The following NMNAT1 variants were observed in gnomAD, a reference collection of about 807,000 sequenced individuals.
NMNAT1 encodes the protein nicotinamide nucleotide adenylyltransferase 1.
In NMNAT1, 11 loss-of-function variants were observed where a neutral mutation model predicts 16.7. That is an observed-to-expected ratio of 0.66 (90% confidence interval 0.41 to 1.09). The LOEUF is 1.09. NMNAT1 is among the 50% of genes least tolerant of loss of function. NMNAT1 has a pLI of 0.00. For synonymous variants in NMNAT1, 110 were observed against 119.8 expected (o/e 0.92, Z 0.53); for missense variants, 280 against 332.3 (o/e 0.84, Z 1.22).
At chr1:9,951,792 A>G (rs1447646004) in intron 1 of NMNAT1, among the ~76,000 whole-genome samples, 1 of 152,124 alleles carries the variant, frequency 6.6e-6, no homozygotes, top group Admixed American at 6.6e-5. Flanking sequence ...CTGTTGATTA[A>G]TATCTTAACT....
At chr1:9,967,410 G>T (rs1412783585) in intron 1 of NMNAT1, 1 of 153,766 alleles carries the variant, frequency 6.5e-6, no homozygotes, top group Non-Finnish European at 1.5e-5. Context: ...TCATGATAAA[G>T]GGTGTATGAG....
intron 3 of NMNAT1, among the ~76,000 whole-genome samples, chr1:9,979,586 G>A (rs910576155): frequency 6.6e-6 from 1 of 152,036 alleles, no homozygotes; most frequent in African/African-American, 2.4e-5. Flanking sequence ...AGATCACAAG[G>A]TCAGGAGATC....
chr1:9,959,626 A>T (rs1469521659), intron 1 of NMNAT1, among the ~76,000 whole-genome samples: 2 of 152,142 alleles, frequency 1.3e-5, no homozygotes, highest in Non-Finnish European at 2.9e-5. Context: ...GGTTGCAGTG[A>T]GCCAAGATTG....
chr1:9,974,678 G>A (rs577450740), intron 2 of NMNAT1, among the ~76,000 whole-genome samples: 5 of 151,900 alleles, frequency 3.3e-5, no homozygotes, highest in African/African-American at 4.8e-5. Context: ...GTGAGCCACC[G>A]CGCCTGGCCT....
intron 3 of NMNAT1, among the ~76,000 whole-genome samples, chr1:9,976,648 G>A (rs996428865): frequency 9.2e-5 from 14 of 151,436 alleles, no homozygotes; most frequent in Admixed American, 2.6e-4. Context: ...TTTTTGAGAC[G>A]GAGTCTCGCT....
At chr1:9,957,640 A>T (rs1641298341) in intron 1 of NMNAT1, among the ~76,000 whole-genome samples, 1 of 152,176 alleles carries the variant, frequency 6.6e-6, no homozygotes, top group South Asian at 2.1e-4. Flanking sequence ...TTGGTGAAAA[A>T]CTATTTCATG....
intron 1 of NMNAT1, among the ~76,000 whole-genome samples, chr1:9,969,728 G>A (rs766164529): frequency 2.0e-5 from 3 of 152,174 alleles, no homozygotes; most frequent in Non-Finnish European, 4.4e-5. Flanking sequence ...TCCAGCCTGG[G>A]TGAGAGAGGG....
the NMNAT1 span, among the ~76,000 whole-genome samples, chr1:9,996,082 C>A: frequency 1.3e-5 from 2 of 151,850 alleles, no homozygotes; most frequent in African/African-American, 4.8e-5. Flanking sequence ...GAGGCCAAGG[C>A]GGGCGGATCA....
downstream of NMNAT1, among the ~76,000 whole-genome samples, chr1:9,989,639 C>T (rs936938757): frequency 6.6e-6 from 1 of 152,148 alleles, no homozygotes; most frequent in Non-Finnish European, 1.5e-5. Context: ...GCTCCATCCT[C>T]CTTTCAGCTC....
intron 1 of NMNAT1, among the ~76,000 whole-genome samples, chr1:9,951,695 C>T (rs957019783): frequency 2.0e-5 from 3 of 152,070 alleles, no homozygotes; most frequent in African/African-American, 7.2e-5. Context: ...TGCTGGTCTT[C>T]ATCTCCTGGG....
rs1434717998 is a variant in NMNAT1, at chr1:9,975,444, T to C, written c.116-148T>C. On this transcript the variant is annotated intron_variant, in intron 2 of 4. Transcript: ENST00000377205. The stretch of plus-strand genomic sequence containing the variant: ...TCAACCCAGGAGGCGGAGGTTGCAG[T>C]GAGCCGAGATCACTCCAGTGCGGCC... 1.4e-5 allele frequency: 8 copies of C among 555,426 alleles called. No homozygotes were observed. The Admixed American group carries it at 2.6e-4, about 18-fold the overall frequency. The allele number at this position is 555,426 out of a possible 1,614,324, so 34.4% of individuals were successfully genotyped here.
chr1:9,945,065 C>T (rs1285250311), intron 1 of NMNAT1, among the ~76,000 whole-genome samples: 2 of 152,144 alleles, frequency 1.3e-5, no homozygotes, highest in African/African-American at 2.4e-5. Flanking sequence ...GAAACCCCAT[C>T]TCTACTAAAA....
intron 3 of NMNAT1, among the ~76,000 whole-genome samples, chr1:9,978,381 C>T (rs985763163): frequency 3.3e-5 from 5 of 152,082 alleles, no homozygotes; most frequent in Admixed American, 6.6e-5. Flanking sequence ...TTGTCAGGCT[C>T]CACAGTCCCA....
At chr1:9,975,068 T>C (rs1444291893) in intron 2 of NMNAT1, among the ~76,000 whole-genome samples, 3 of 152,146 alleles carry the variant, frequency 2.0e-5, no homozygotes, top group Non-Finnish European at 4.4e-5. Context: ...TGGAGATAGA[T>C]AGGAGCGATG....
chr1:9,995,951 C>A, the NMNAT1 span, among the ~76,000 whole-genome samples: 1 of 151,662 alleles, frequency 6.6e-6, no homozygotes, highest in Non-Finnish European at 1.5e-5. Context: ...ATCACTTGAA[C>A]CTGGGAGGCG....
intron 1 of NMNAT1, among the ~76,000 whole-genome samples, chr1:9,957,824 C>T (rs1641302168): frequency 6.6e-6 from 1 of 152,062 alleles, no homozygotes; most frequent in African/African-American, 2.4e-5. Context: ...AAGTTATTAA[C>T]AGACTGTTTC....
In NMNAT1 at chr1:9,982,393, G is replaced by C; in HGVS notation, c.532G>C (p.Val178Leu). The change falls in exon 5 of 5, where the codon GTG becomes CTG. Residue 178 changes from valine (V) to leucine (L), a missense_variant. Transcript: ENST00000377205. ...GAAGAGTGAAGACATCACCCAAATCGTGGCCAACTATGGGCTCATATGTGT... is the reference window on the plus strand; with the variant it reads ...GAAGAGTGAAGACATCACCCAAATCCTGGCCAACTATGGGCTCATATGTGT... Reference protein sequence around the residue: ...LWKSEDITQIVANYGLICVTR... With the variant: ...LWKSEDITQILANYGLICVTR... 1 of 1,614,122 alleles carries C rather than the reference G, an allele frequency of 6.2e-7. No individual in the cohort carries two copies. The highest frequency in any genetic ancestry group is 8.5e-7 in the Non-Finnish European group (1 of 1,180,024).
the NMNAT1 span, among the ~76,000 whole-genome samples, chr1:9,993,293 A>T: frequency 1.3e-5 from 2 of 152,098 alleles, no homozygotes; most frequent in African/African-American, 4.8e-5. Flanking sequence ...AGCCTGACCG[A>T]TACGGTGAAA....
chr1:9,953,426 A>G (rs1454612078), intron 1 of NMNAT1, among the ~76,000 whole-genome samples: 1 of 145,472 alleles, frequency 6.9e-6, no homozygotes, highest in Non-Finnish European at 1.5e-5. Flanking sequence ...ACAGGCCTGC[A>G]CCACCACACC....
Sources: gnomAD v4.1 joint callset for allele counts (sites outside exome capture counted in the v4.1 genomes callset) on GRCh38, gnomAD v4.1.1 for gene constraint, MANE v1.5 for transcripts, NCBI Gene and HGNC (gene_info 2026-07-23, HGNC 2026-07-21) for gene names.